The following CCDC178 variants were observed in gnomAD, a reference collection of about 807,000 sequenced individuals.
CCDC178 encodes coiled-coil domain containing 178, also known as coiled-coil domain-containing protein 178.
CCDC178 carries 126 observed loss-of-function variants against 117.4 expected under a neutral mutation model. The observed-to-expected ratio is 1.07, with a 90% CI of 0.93 to 1.24. The LOEUF (loss-of-function observed/expected upper bound fraction) is 1.24. CCDC178 is among the 50% of genes most tolerant of loss of function. CCDC178 has a pLI of 0.00. For missense variants in CCDC178, 1,030 were observed against 986.9 expected (o/e 1.04, Z -0.59); for synonymous variants, 283 against 313.4 (o/e 0.90, Z 1.02).
chr18:33,386,130 C>T (rs530910580), intron 5 of CCDC178, among the ~76,000 whole-genome samples: 1 of 152,136 alleles, frequency 6.6e-6, no homozygotes, highest in South Asian at 2.1e-4. Context: ...ACACATACAC[C>T]CTCCCAGGTC....
In CCDC178 at chr18:32,988,265, G is replaced by A. The variant is rs1274230413; in HGVS notation, c.2389-13584C>T. ...AGCCTGGCCAACACGGTGAAACCCCGTCCCTGTTATAAATACAAAAATTAT... is the reference window on the plus strand; with the variant it reads ...AGCCTGGCCAACACGGTGAAACCCCATCCCTGTTATAAATACAAAAATTAT... On this transcript the variant is annotated intron_variant, in intron 21 of 22. Transcript: ENST00000383096. 2.0e-5 allele frequency among the ~76,000 whole-genome samples: 3 copies of A among 151,636 alleles called. No homozygotes were observed. The East Asian group carries it at 5.8e-4, about 29-fold the overall frequency.
At chr18:33,199,992 C>G (rs2058974717) in intron 20 of CCDC178, among the ~76,000 whole-genome samples, 1 of 152,106 alleles carries the variant, frequency 6.6e-6, no homozygotes, top group East Asian at 1.9e-4. Context: ...TTGGACAATT[C>G]CTCTCACCAT....
chr18:33,337,206 G>A (rs899860601), intron 9 of CCDC178, among the ~76,000 whole-genome samples: 4 of 150,440 alleles, frequency 2.7e-5, no homozygotes, highest in African/African-American at 9.8e-5. Context: ...TGCTGTTGGT[G>A]TAGACCAGAG....
intron 11 of CCDC178, among the ~76,000 whole-genome samples, chr18:33,310,965 C>T (rs1414413180): frequency 6.6e-6 from 1 of 151,824 alleles, no homozygotes; most frequent in Admixed American, 6.6e-5. Flanking sequence ...TGGCATGTCT[C>T]CAATGGAAAA....
intron 9 of CCDC178, among the ~76,000 whole-genome samples, chr18:33,345,238 T>A (rs1015151701): frequency 5.3e-5 from 8 of 152,162 alleles, no homozygotes; most frequent in East Asian, 1.9e-4. Context: ...TTTTATCCTA[T>A]GAGAGAGTAA....
chr18:33,338,282 G>A (rs1365845051), intron 9 of CCDC178, among the ~76,000 whole-genome samples: 1 of 152,140 alleles, frequency 6.6e-6, no homozygotes, highest in East Asian at 1.9e-4. Flanking sequence ...CAGTGAAAAG[G>A]AAACACTTTT....
At chr18:33,049,609 G>A (rs1469453363) in intron 21 of CCDC178, among the ~76,000 whole-genome samples, 1 of 152,136 alleles carries the variant, frequency 6.6e-6, no homozygotes, top group African/African-American at 2.4e-5. Context: ...TATGCTGGAA[G>A]TTTCAGAATA....
intron 20 of CCDC178, among the ~76,000 whole-genome samples, chr18:33,118,780 A>T (rs1189260510): frequency 1.3e-5 from 2 of 152,188 alleles, no homozygotes; most frequent in Non-Finnish European, 2.9e-5. Context: ...ATGCTACCTG[A>T]CTTCAAACTA....
At position 33,011,767 on chromosome 18, in the gene CCDC178, C is replaced by CA. The variant is rs71177899; in HGVS notation, c.2389-37087dup. 3.2e-3 allele frequency among the ~76,000 whole-genome samples: 95 copies of CA among 30,002 alleles called. 26 individuals carry two copies. The highest frequency in any genetic ancestry group is 7.5e-3 in the Non-Finnish European group (83 of 11,122). The allele number at this position is 30,002 out of a possible 152,430, so 19.7% of individuals were successfully genotyped here. A position where few individuals can be genotyped will look rare whatever the true frequency, so the allele number is the denominator to read the frequency against. On this transcript the variant is annotated intron_variant, in intron 21 of 22. Transcript: ENST00000383096. ...ACGTGGCAAATGATTGAGCAGAATG[C>CA]AAAAAAAAAAAAAAAAAAAAAAAAA...
At position 33,346,232 on chromosome 18, in the gene CCDC178, G is replaced by A; in HGVS notation, c.637C>T (p.Leu213Phe). The A allele has an allele frequency of 6.2e-7, 1 of 1,612,836 alleles. No homozygotes were observed. Among genetic ancestry groups the A allele is most frequent in the Non-Finnish European group, 8.5e-7 (1 of 1,179,040 alleles). ...DSWSVWKLQE[L>F]PLAVQKEHEA... ...TTACCTTTCTGCACAGCCAATGGGA[G>A]TTCTTGAAGTTTCCAGACTGACCAA... Residue 213 changes from leucine (L) to phenylalanine (F), a missense_variant, in exon 9 of 23, where the codon CTC becomes TTC. Leu to Phe is a conservative substitution (Grantham distance 22). Transcript: ENST00000383096.
At chr18:33,396,398 A>C (rs2063637643) in intron 4 of CCDC178, among the ~76,000 whole-genome samples, 1 of 152,164 alleles carries the variant, frequency 6.6e-6, no homozygotes, top group Non-Finnish European at 1.5e-5. Context: ...GGCATTATCA[A>C]ATAATGTCAA....
chr18:33,101,302 C>A (rs1018375008), intron 20 of CCDC178, among the ~76,000 whole-genome samples: 15 of 151,138 alleles, frequency 9.9e-5, no homozygotes, highest in African/African-American at 3.7e-4. Context: ...TTTTAAAAGT[C>A]TGCTCCTCTT....
chr18:33,368,922 T>C (rs527726306), intron 6 of CCDC178, among the ~76,000 whole-genome samples: 321 of 152,112 alleles, frequency 2.1e-3, no homozygotes, highest in Non-Finnish European at 4.1e-3. Flanking sequence ...GTTGTTATAA[T>C]TATTTATTAA....
intron 6 of CCDC178, among the ~76,000 whole-genome samples, chr18:33,364,045 A>G (rs6417060): frequency 0.44 from 67,018 of 151,810 alleles, 16,181 homozygotes; most frequent in African/African-American, 0.65. Flanking sequence ...GTTGAGATTC[A>G]TCCTCTTGAA....
chr18:33,122,232 C>G (rs532560191), intron 20 of CCDC178, among the ~76,000 whole-genome samples: 1 of 152,178 alleles, frequency 6.6e-6, no homozygotes, highest in East Asian at 1.9e-4. Flanking sequence ...TGGTAATCTC[C>G]TTGCTGGGGA....
intron 6 of CCDC178, among the ~76,000 whole-genome samples, chr18:33,360,780 G>A (rs2063114599): frequency 6.6e-6 from 1 of 151,494 alleles, no homozygotes; most frequent in South Asian, 2.1e-4. Flanking sequence ...CTTGGAATAA[G>A]TCTAATCAAG....
At chr18:33,070,288 G>C (rs928767342) in intron 21 of CCDC178, among the ~76,000 whole-genome samples, 3 of 152,028 alleles carry the variant, frequency 2.0e-5, no homozygotes, top group Non-Finnish European at 2.9e-5. Flanking sequence ...GTGTCCATCA[G>C]TGGATGAATG....
intron 22 of CCDC178, among the ~76,000 whole-genome samples, chr18:32,965,400 T>G (rs1413541811): frequency 2.0e-5 from 3 of 152,010 alleles, no homozygotes; most frequent in African/African-American, 7.2e-5. Flanking sequence ...GTTTTTCTTC[T>G]TTTTACTATT....
intron 15 of CCDC178, among the ~76,000 whole-genome samples, chr18:33,235,903 G>A (rs1412159015): frequency 6.6e-6 from 1 of 152,032 alleles, no homozygotes; most frequent in East Asian, 1.9e-4. Context: ...CTGACACTTG[G>A]CCAAACACCT....
Sources: allele counts gnomAD v4.1 joint callset (sites outside exome capture counted in the v4.1 genomes callset), GRCh38; gene constraint gnomAD v4.1.1; transcripts MANE v1.5; gene names NCBI Gene and HGNC (gene_info 2026-07-23, HGNC 2026-07-21).